Variants in NR4A1 observed in about 807,000 individuals in gnomAD.
The protein encoded by NR4A1 is nuclear receptor subfamily 4 group A member 1.
A neutral mutation model predicts 47.5 loss-of-function variants in NR4A1; 24 were observed. The ratio of observed to expected loss-of-function variants is 0.50; its 90% CI spans 0.37 to 0.71. The LOEUF (loss-of-function observed/expected upper bound fraction) is 0.71, where lower values mean the gene tolerates loss of function less well. Among genes scored for constraint, NR4A1 ranks in the 30% least tolerant of loss-of-function variants. The probability of loss-of-function intolerance (pLI) is 0.00; values close to 1 mark genes in which losing one functional copy is unlikely to be tolerated. For missense variants in NR4A1, 669 were observed against 788.6 expected (o/e 0.85, Z 1.82); for synonymous variants, 353 against 345.7 (o/e 1.02, Z -0.24).
At position 52,055,860 on chromosome 12, in the gene NR4A1, C is replaced by T. The variant is rs893500308; in HGVS notation, c.877-170C>T. 5.3e-5 allele frequency: 24 copies of T among 450,206 alleles called. 1 individual carries two copies. Among genetic ancestry groups the T allele is most frequent in the South Asian group, 1.7e-4 (4 of 23,796 alleles). 27.9% of individuals were successfully genotyped at this position (450,206 alleles called of 1,614,324 possible). A position where few individuals can be genotyped will look rare whatever the true frequency, so the allele number is the denominator to read the frequency against. The stretch of plus-strand genomic sequence containing the variant: ...TGTCTTCAAGACTTTTCTCTCCCCC[C>T]GCCCAACCCCGTCTCTCCCTCCCTT... On this transcript the variant is annotated intron_variant, in intron 2 of 6. Coordinates refer to ENST00000394825, the MANE Select transcript of NR4A1 (RefSeq NM_173157.3).
chr12:52,024,461 C>T (rs1937961852), intron 1 of NR4A1, among the ~76,000 whole-genome samples: 1 of 152,186 alleles, frequency 6.6e-6, no homozygotes, highest in Admixed American at 6.5e-5. Flanking sequence ...CTTTGGGAGG[C>T]CAAGGCCGGA....
chr12:52,045,488 T>A (rs889204481), intron 2 of NR4A1: 1 of 451,046 alleles, frequency 2.2e-6, no homozygotes, highest in African/African-American at 2.0e-5. Flanking sequence ...AGGTTTCCCA[T>A]GACAGTGGGG....
chr12:52,056,210 T>C (rs745606255), intron 3 of NR4A1, 51 bp downstream of exon 3: 1 of 1,533,976 alleles, frequency 6.5e-7, no homozygotes, highest in Non-Finnish European at 8.8e-7. Flanking sequence ...TTGAGTGGAG[T>C]GGGACCAGCA....
At chr12:52,039,894 C>G (rs1238064350) in intron 1 of NR4A1, among the ~76,000 whole-genome samples, 1 of 152,150 alleles carries the variant, frequency 6.6e-6, no homozygotes, top group Non-Finnish European at 1.5e-5. Flanking sequence ...ATGGCAGATG[C>G]AGAGGCCCTG....
At chr12:52,037,871 G>A in intron 1 of NR4A1, 1 of 984,626 alleles carries the variant, frequency 1.0e-6, no homozygotes, top group Non-Finnish European at 1.2e-6. Flanking sequence ...CGGAGCTGGG[G>A]ATTAGGACTC....
intron 6 of NR4A1, among the ~76,000 whole-genome samples, chr12:52,058,030 C>T (rs1415161029): frequency 1.3e-5 from 2 of 152,064 alleles, no homozygotes; most frequent in Non-Finnish European, 2.9e-5. Context: ...CACTATGTTG[C>T]CCGAGCTGGT....
intron 1 of NR4A1, among the ~76,000 whole-genome samples, chr12:52,023,163 G>A (rs902254385): frequency 6.6e-6 from 1 of 152,262 alleles, no homozygotes; most frequent in Non-Finnish European, 1.5e-5. Flanking sequence ...GACAGGTGGA[G>A]GTGCTGGGGG....
In NR4A1 at chr12:52,055,961, C is replaced by G. The variant is rs1023184197; in HGVS notation, c.877-69C>G. 10 of 722,238 alleles carry G rather than the reference C, an allele frequency of 1.4e-5. No individual in the cohort carries two copies. The Admixed American group carries it at 2.7e-4, about 19-fold the overall frequency. 44.7% of individuals were successfully genotyped at this position (722,238 alleles called of 1,614,324 possible). Reference sequence around the variant, plus strand: ...CAATGGCAGCAGGATCTGGACGGTCCCCTCCCCTAAGTTCCCCCCTCCCCA... The same window carrying G: ...CAATGGCAGCAGGATCTGGACGGTCGCCTCCCCTAAGTTCCCCCCTCCCCA... On this transcript the variant is annotated intron_variant, in intron 2 of 6. Transcript: ENST00000394825.
At chr12:52,038,673 T>A in intron 1 of NR4A1, 1 of 760,192 alleles carries the variant, frequency 1.3e-6, no homozygotes, top group South Asian at 1.4e-5. Context: ...AAAAAGGAAG[T>A]CAGCTGACTC....
At chr12:52,050,325 C>T (rs1403571521), upstream of NR4A1, among the ~76,000 whole-genome samples, 1 of 152,136 alleles carries the variant, frequency 6.6e-6, no homozygotes, top group African/African-American at 2.4e-5. Context: ...GGCCGGTGCT[C>T]CCTGATGTGG....
At position 52,056,177 on chromosome 12, in the gene NR4A1, G is replaced by A. The variant is rs374225925; in HGVS notation, c.1006+18G>A. On this transcript the variant is annotated intron_variant, in intron 3 of 6. Coordinates refer to ENST00000394825, the MANE Select transcript of NR4A1 (RefSeq NM_173157.3). ...GAAGGAAGGTGTGTGGCTGGGGTGC[G>A]GCCCAGCGGGGCAAGGGTAGGCTTG... 308 of 1,581,290 alleles carry A rather than the reference G, an allele frequency of 1.9e-4. No homozygotes were observed. Among genetic ancestry groups the A allele is most frequent in the Non-Finnish European group, 2.5e-4 (291 of 1,163,848 alleles).
chr12:52,035,436 G>A (rs1178571923), intron 1 of NR4A1, among the ~76,000 whole-genome samples: 1 of 151,986 alleles, frequency 6.6e-6, no homozygotes, highest in Non-Finnish European at 1.5e-5. Context: ...TCCCACACAG[G>A]CAAATATTTT....
rs1430389467 is a variant in NR4A1 at position 52,051,458 on chromosome 12, G to A, written c.-113G>A. 14 of 985,440 alleles carry A rather than the reference G, an allele frequency of 1.4e-5. No homozygotes were observed. The highest frequency in any genetic ancestry group is 1.7e-5 in the Non-Finnish European group (14 of 830,024). 61.0% of individuals were successfully genotyped at this position (985,440 alleles called of 1,614,324 possible). On this transcript the variant is annotated 5_prime_UTR_variant, in exon 1 of 7. Transcript: ENST00000394825. ...CGGCCGGGGAGTCCCAGTGGCGGAG[G>A]CTACGAAACTTGGGGGAGTGCACAG...
intron 6 of NR4A1, among the ~76,000 whole-genome samples, chr12:52,058,242 G>C (rs184833041): frequency 6.6e-6 from 1 of 152,106 alleles, no homozygotes; most frequent in Non-Finnish European, 1.5e-5. Context: ...AGATTTCTCT[G>C]TTTTTTAAAG....
At chr12:52,024,713 AAAG>A (rs928671489) in intron 1 of NR4A1, among the ~76,000 whole-genome samples, 3 of 152,306 alleles carry the variant, frequency 2.0e-5, no homozygotes, top group Admixed American at 1.3e-4. Flanking sequence ...AAGAAGAAGA[AAAG>A]AAAGAAAGAA....
At chr12:52,036,066 G>C (rs1443284585) in intron 1 of NR4A1, among the ~76,000 whole-genome samples, 1 of 152,196 alleles carries the variant, frequency 6.6e-6, no homozygotes, top group African/African-American at 2.4e-5. Context: ...CTGTACGGGG[G>C]TATAGGAGCA....
rs543345266 is a variant in NR4A1 at position 52,056,830 on chromosome 12, G to A, written c.1158+185G>A. On this transcript the variant is annotated intron_variant, in intron 4 of 6. Transcript: ENST00000394825. ...AGAGGATCCCCCTCTCGGCTGACCA[G>A]ATGGGAAAATGCACCCCCTCAGGCA... 1.2e-4 allele frequency: 99 copies of A among 860,632 alleles called. No individual in the cohort carries two copies. The African/African-American group carries it at 1.4e-3, about 12-fold the overall frequency. The allele number at this position is 860,632 out of a possible 1,614,324, so 53.3% of individuals were successfully genotyped here.
intron 1 of NR4A1, among the ~76,000 whole-genome samples, chr12:52,027,852 G>C (rs1280689814): frequency 6.6e-6 from 1 of 152,192 alleles, no homozygotes; most frequent in Non-Finnish European, 1.5e-5. Context: ...AACGTGGCTA[G>C]GCTCAGGAGT....
chr12:52,032,756 A>C (rs1459340732), intron 1 of NR4A1, among the ~76,000 whole-genome samples: 1 of 151,786 alleles, frequency 6.6e-6, no homozygotes, highest in African/African-American at 2.4e-5. Context: ...TAGTTTTTGC[A>C]CCTTTTCTTA....
Sources: allele counts gnomAD v4.1 joint callset (sites outside exome capture counted in the v4.1 genomes callset), GRCh38; gene constraint gnomAD v4.1.1; transcripts MANE v1.5; gene names NCBI Gene and HGNC (gene_info 2026-07-23, HGNC 2026-07-21).